The following CAMKMT variants were observed in gnomAD, a reference collection of about 807,000 sequenced individuals.
CAMKMT encodes the protein CaM KMT.
Under a neutral mutation model 48.0 loss-of-function variants are expected in CAMKMT, and 53 were observed. That is an observed-to-expected ratio of 1.10 (90% CI 0.89 to 1.39). The LOEUF is 1.39. CAMKMT is among the 40% of genes most tolerant of loss of function. The probability of loss-of-function intolerance (pLI) is 0.00; values close to 1 mark genes in which losing one functional copy is unlikely to be tolerated. For synonymous variants in CAMKMT, 165 were observed against 152.3 expected, an observed-to-expected ratio of 1.08 and a Z score of -0.61; for missense variants, 428 against 402.7, an observed-to-expected ratio of 1.06 and a Z score of -0.54.
At chr2:44,418,866 C>G (rs1184976977) in intron 3 of CAMKMT, among the ~76,000 whole-genome samples, 1 of 152,138 alleles carries the variant, frequency 6.6e-6, no homozygotes, top group Non-Finnish European at 1.5e-5. Flanking sequence ...GTCATCCAAT[C>G]TATAAACCTG....
In CAMKMT at chr2:44,538,079, A is replaced by G. The variant is rs141246162; in HGVS notation, c.376+147774A>G. On this transcript the variant is annotated intron_variant, in intron 3 of 10. Transcript: ENST00000378494. ...TGCCCACCAATCAATGAGCAGATAA[A>G]GAAAATGTGGCCGGGCGTGGTCGCT... Among the ~76,000 whole-genome samples, 821 of 152,304 alleles carry G rather than the reference A, an allele frequency of 5.4e-3. 8 individuals are homozygous for G. The highest frequency in any genetic ancestry group is 0.019 in the African/African-American group (779 of 41,574).
chr2:44,686,682 G>GTGCTA (rs1676358703), intron 3 of CAMKMT, among the ~76,000 whole-genome samples: 1 of 152,164 alleles, frequency 6.6e-6, no homozygotes, highest in Admixed American at 6.5e-5. Flanking sequence ...ATTTATGGGA[G>GTGCTA]CATTTTCTTA....
intron 2 of CAMKMT, among the ~76,000 whole-genome samples, chr2:44,381,619 C>T (rs921483501): frequency 1.4e-4 from 21 of 152,122 alleles, no homozygotes; most frequent in African/African-American, 4.8e-4. Flanking sequence ...TGCAGACATC[C>T]ATTGAACTTG....
intron 3 of CAMKMT, among the ~76,000 whole-genome samples, chr2:44,483,656 G>A (rs1187911828): frequency 6.6e-6 from 1 of 152,070 alleles, no homozygotes; most frequent in African/African-American, 2.4e-5. Flanking sequence ...CAAGGTCTAA[G>A]GGAAAATAAT....
chr2:44,507,899 A>C (rs927945151), intron 3 of CAMKMT, among the ~76,000 whole-genome samples: 1 of 152,222 alleles, frequency 6.6e-6, no homozygotes, highest in Non-Finnish European at 1.5e-5. Context: ...TTACCTCGGC[A>C]CAAACTGGCA....
rs1346553610 is a variant in CAMKMT, at chr2:44,372,761, G to A, written c.184G>A (p.Val62Ile). 1.1e-5 allele frequency: 18 copies of A among 1,613,528 alleles called. No homozygotes were observed. Among genetic ancestry groups the A allele is most frequent in the Non-Finnish European group, 1.4e-5 (17 of 1,179,876 alleles). The change falls in exon 2 of 11, where the codon GTA (valine) becomes ATA (isoleucine). Residue 62 changes from valine to isoleucine, a missense_variant. Coordinates refer to ENST00000378494, the MANE Select transcript of CAMKMT (RefSeq NM_024766.5). ...GGATGATTGCCTGCGACATGTATCT[G>A]TAAGAAGATTTGAATCATTTAATCT... ...HLDDCLRHVS[V>I]RRFESFNLFS... is the part of the protein sequence containing the mutation.
chr2:44,716,693 G>A (rs544476968), intron 7 of CAMKMT, among the ~76,000 whole-genome samples: 3 of 152,156 alleles, frequency 2.0e-5, no homozygotes, highest in Non-Finnish European at 2.9e-5. Flanking sequence ...AGTGCAGACG[G>A]CCTTACCCTT....
At chr2:44,748,884 G>A (rs1308826261) in intron 8 of CAMKMT, among the ~76,000 whole-genome samples, 2 of 152,080 alleles carry the variant, frequency 1.3e-5, no homozygotes, top group African/African-American at 4.8e-5. Flanking sequence ...CCTGAAGAGC[G>A]AATATTTTAA....
rs1249935224 is a variant in CAMKMT at position 44,431,569 on chromosome 2, A to G, written c.376+41264A>G. ...TAGACTTTCTAAATCTTGCTGTGTCACAGGCCTAACTCATATCTCTTCTGA... is the reference window on the plus strand; with the variant it reads ...TAGACTTTCTAAATCTTGCTGTGTCGCAGGCCTAACTCATATCTCTTCTGA... On this transcript the variant is annotated intron_variant, in intron 3 of 10. Transcript: ENST00000378494. Among the ~76,000 whole-genome samples the G allele has an allele frequency of 2.6e-5, 4 of 152,298 alleles. 1 individual carries two copies. The South Asian group carries it at 6.2e-4, about 24-fold the overall frequency.
intron 3 of CAMKMT, among the ~76,000 whole-genome samples, chr2:44,527,863 C>T (rs1666246993): frequency 6.9e-6 from 1 of 144,848 alleles, no homozygotes; most frequent in South Asian, 2.2e-4. Context: ...CACATTATCA[C>T]CCAAAGTCTA....
At chr2:44,469,809 A>G (rs377075819) in intron 3 of CAMKMT, among the ~76,000 whole-genome samples, 1 of 151,664 alleles carries the variant, frequency 6.6e-6, no homozygotes, top group East Asian at 1.9e-4. Flanking sequence ...TATTACTTTT[A>G]AGGTATTATC....
At chr2:44,626,815 T>C (rs1016834197) in intron 3 of CAMKMT, among the ~76,000 whole-genome samples, 1 of 152,194 alleles carries the variant, frequency 6.6e-6, no homozygotes, top group Admixed American at 6.5e-5. Flanking sequence ...CCATGTCCTG[T>C]ATGAATAAAG....
At chr2:44,602,352 C>G (rs1365306306) in intron 3 of CAMKMT, among the ~76,000 whole-genome samples, 1 of 152,016 alleles carries the variant, frequency 6.6e-6, no homozygotes, top group African/African-American at 2.4e-5. Context: ...TTAATGACTA[C>G]CTAGTATTCT....
intron 2 of CAMKMT, among the ~76,000 whole-genome samples, chr2:44,384,060 AT>A (rs1026212426): frequency 3.3e-5 from 5 of 152,194 alleles, no homozygotes; most frequent in Admixed American, 1.3e-4. Flanking sequence ...CACTGTTTCC[AT>A]AGTGGTTGTA....
rs192606563 is a variant in CAMKMT at position 44,464,449 on chromosome 2, A to C, written c.376+74144A>C. On this transcript the variant is annotated intron_variant, in intron 3 of 10. Coordinates refer to ENST00000378494, the MANE Select transcript of CAMKMT (RefSeq NM_024766.5). Reference sequence around the variant, plus strand: ...AAGAAATAATGGTCAAAAACTTCCAAAATCTGAGGAAGAAAATGGACATTC... The same window carrying C: ...AAGAAATAATGGTCAAAAACTTCCACAATCTGAGGAAGAAAATGGACATTC... Among the ~76,000 whole-genome samples the C allele has an allele frequency of 4.3e-4, 66 of 152,340 alleles. No individual in the cohort carries two copies. In the East Asian group the frequency reaches 0.012, roughly 28 times the overall value.
chr2:44,697,380 G>A (rs1360064427), intron 3 of CAMKMT, among the ~76,000 whole-genome samples: 3 of 152,018 alleles, frequency 2.0e-5, no homozygotes, highest in Non-Finnish European at 2.9e-5. Context: ...TGTCAGCTGT[G>A]TACCAAGCAT....
chr2:44,667,531 G>C (rs1256314356), intron 3 of CAMKMT, among the ~76,000 whole-genome samples: 1 of 152,104 alleles, frequency 6.6e-6, no homozygotes, highest in East Asian at 1.9e-4. Flanking sequence ...TTAGAACTTG[G>C]CTCACTATCT....
chr2:44,598,496 C>T (rs1328065112), intron 3 of CAMKMT, among the ~76,000 whole-genome samples: 1 of 151,516 alleles, frequency 6.6e-6, no homozygotes, highest in Non-Finnish European at 1.5e-5. Context: ...TTACTTCCTG[C>T]TGGAATTAGC....
chr2:44,638,662 T>C (rs530301099), intron 3 of CAMKMT, among the ~76,000 whole-genome samples: 2 of 152,244 alleles, frequency 1.3e-5, no homozygotes, highest in African/African-American at 4.8e-5. Context: ...CTTTTATGAG[T>C]AAAATTACAT....
Sources: allele counts gnomAD v4.1 joint callset (sites outside exome capture counted in the v4.1 genomes callset), GRCh38; gene constraint gnomAD v4.1.1; transcripts MANE v1.5; gene names NCBI Gene and HGNC (gene_info 2026-07-23, HGNC 2026-07-21).